CACNG2: variants seen among roughly 807,000 people sequenced by gnomAD.
The protein encoded by CACNG2 is voltage-dependent calcium channel gamma-2 subunit.
A neutral mutation model predicts 25.9 loss-of-function variants in CACNG2; 3 were observed. The ratio of observed to expected loss-of-function variants is 0.12; its 90% CI spans 0.05 to 0.30. The LOEUF (loss-of-function observed/expected upper bound fraction) is 0.30. Among genes scored for constraint, CACNG2 ranks in the 10% least tolerant of loss-of-function variants. CACNG2 has a pLI of 1.00. For synonymous variants in CACNG2, 167 were observed against 173.3 expected (o/e 0.96, Z 0.29); for missense variants, 341 against 432.5 (o/e 0.79, Z 1.88).
intron 1 of CACNG2, among the ~76,000 whole-genome samples, chr22:36,643,033 C>T (rs1457560741): frequency 6.7e-6 from 1 of 150,250 alleles, no homozygotes; most frequent in Non-Finnish European, 1.5e-5. Flanking sequence ...CCCTCCCTCC[C>T]TCCCTTTCTT....
chr22:36,657,661 G>A (rs1294544605), intron 1 of CACNG2, among the ~76,000 whole-genome samples: 4 of 152,016 alleles, frequency 2.6e-5, no homozygotes, highest in Non-Finnish European at 4.4e-5. Flanking sequence ...AACCTACAGA[G>A]TTTTCATTTT....
At chr22:36,574,084 G>A (rs912358921) in intron 2 of CACNG2, among the ~76,000 whole-genome samples, 6 of 152,096 alleles carry the variant, frequency 3.9e-5, no homozygotes, top group Non-Finnish European at 8.8e-5. Flanking sequence ...TCTGGGCCAC[G>A]TGGGGCCTCA....
At chr22:36,662,816 T>G (rs1257140375) in intron 1 of CACNG2, among the ~76,000 whole-genome samples, 1 of 152,166 alleles carries the variant, frequency 6.6e-6, no homozygotes, top group Non-Finnish European at 1.5e-5. Flanking sequence ...AGATGTTATT[T>G]TTTTCTGTGT....
intron 1 of CACNG2, among the ~76,000 whole-genome samples, chr22:36,661,337 G>A (rs1936791916): frequency 6.6e-6 from 1 of 152,192 alleles, no homozygotes; most frequent in Admixed American, 6.5e-5. Flanking sequence ...TTCTTCCTTA[G>A]TCGGAGATTA....
chr22:36,669,698 T>C (rs1232995268), intron 1 of CACNG2, among the ~76,000 whole-genome samples: 2 of 151,938 alleles, frequency 1.3e-5, no homozygotes, highest in East Asian at 3.9e-4. Flanking sequence ...TTCATTAAAA[T>C]TTCATTCTCT....
At chr22:36,642,374 T>A (rs1413427847) in intron 1 of CACNG2, among the ~76,000 whole-genome samples, 1 of 152,188 alleles carries the variant, frequency 6.6e-6, no homozygotes, top group Non-Finnish European at 1.5e-5. Flanking sequence ...GCATTCATAT[T>A]GCCTAGTAAT....
intron 1 of CACNG2, among the ~76,000 whole-genome samples, chr22:36,678,233 A>C (rs1203548852): frequency 6.6e-6 from 1 of 152,200 alleles, no homozygotes; most frequent in African/African-American, 2.4e-5. Context: ...AGAATGAATG[A>C]CACCCCGTCC....
chr22:36,652,391 C>T (rs61416086), intron 1 of CACNG2, among the ~76,000 whole-genome samples: 3,507 of 148,868 alleles, frequency 0.024, 150 homozygotes, highest in African/African-American at 0.08. Context: ...AGCCCTCCCT[C>T]TCAGCAGTAC....
At chr22:36,613,154 C>CTGTGTGTGTGTGTGTGTG (rs199852721) in intron 1 of CACNG2, among the ~76,000 whole-genome samples, 9 of 73,898 alleles carry the variant, frequency 1.2e-4, no homozygotes, top group African/African-American at 2.8e-4. Flanking sequence ...ATTACAGGCT[C>CTGTGTGTGTGTGTGTGTG]TCTGTGTGTG....
chr22:36,575,412 T>G (rs918552150), intron 2 of CACNG2, among the ~76,000 whole-genome samples: 2 of 152,102 alleles, frequency 1.3e-5, no homozygotes, highest in Non-Finnish European at 2.9e-5. Context: ...GCCATCACGC[T>G]GTGACATGGT....
At chr22:36,614,969 G>A (rs148052665) in intron 1 of CACNG2, among the ~76,000 whole-genome samples, 48 of 152,240 alleles carry the variant, frequency 3.2e-4, no homozygotes, top group South Asian at 1.0e-3. Flanking sequence ...TCTCTTGAGC[G>A]GTGCCAGATG....
intron 1 of CACNG2, among the ~76,000 whole-genome samples, chr22:36,661,633 G>A (rs1936796137): frequency 6.6e-6 from 1 of 152,224 alleles, no homozygotes; most frequent in Non-Finnish European, 1.5e-5. Context: ...AGGCAGAGTA[G>A]TTTTTGTAAT....
intron 1 of CACNG2, among the ~76,000 whole-genome samples, chr22:36,676,686 T>C (rs930384996): frequency 3.9e-5 from 6 of 152,322 alleles, no homozygotes; most frequent in Admixed American, 2.6e-4. Flanking sequence ...CATTTTCCTC[T>C]TCGTCTGTTT....
chr22:36,697,037 G>A (rs534337282), intron 1 of CACNG2, among the ~76,000 whole-genome samples: 1 of 152,302 alleles, frequency 6.6e-6, no homozygotes, highest in East Asian at 1.9e-4. Flanking sequence ...GCTATTTTCT[G>A]AAAATGCTTG....
At chr22:36,641,191 C>A (rs1017849458) in intron 1 of CACNG2, among the ~76,000 whole-genome samples, 3 of 152,144 alleles carry the variant, frequency 2.0e-5, no homozygotes, top group Admixed American at 2.0e-4. Context: ...CACTTGTCAC[C>A]ACCTGATAAA....
chr22:36,659,439 G>A (rs929143858), intron 1 of CACNG2, among the ~76,000 whole-genome samples: 1 of 152,074 alleles, frequency 6.6e-6, no homozygotes, highest in African/African-American at 2.4e-5. Context: ...GCTGTTTCAC[G>A]TTACTTATTT....
At position 36,665,550 on chromosome 22, in the gene CACNG2, C is replaced by T. The variant is rs531477814; in HGVS notation, c.211+36816G>A. Among the ~76,000 whole-genome samples, 3 of 152,156 alleles carry T rather than the reference C, an allele frequency of 2.0e-5. No individual in the cohort carries two copies. The East Asian group carries it at 5.8e-4, about 29-fold the overall frequency. ...ACAACTCGACTCAAAAATGGGCAAA[C>T]AACTTGAACAGACATTTTTCCAAGG... On this transcript the variant is annotated intron_variant, in intron 1 of 3. Coordinates refer to ENST00000300105, the MANE Select transcript of CACNG2 (RefSeq NM_006078.5).
intron 1 of CACNG2, among the ~76,000 whole-genome samples, chr22:36,690,412 T>C (rs1405737553): frequency 6.6e-6 from 1 of 152,230 alleles, no homozygotes; most frequent in Non-Finnish European, 1.5e-5. Flanking sequence ...GTTTTCAATT[T>C]GTAGAACATT....
intron 2 of CACNG2, among the ~76,000 whole-genome samples, chr22:36,580,174 G>A (rs749419108): frequency 6.6e-6 from 1 of 152,196 alleles, no homozygotes; most frequent in African/African-American, 2.4e-5. Flanking sequence ...GCCCAGGGAG[G>A]TTCACCGGGA....
Sources: allele counts gnomAD v4.1 joint callset (sites outside exome capture counted in the v4.1 genomes callset), GRCh38; gene constraint gnomAD v4.1.1; transcripts MANE v1.5; gene names NCBI Gene and HGNC (gene_info 2026-07-23, HGNC 2026-07-21).